Variants in GLIS1 observed in about 807,000 individuals in gnomAD.
GLIS1 encodes the protein GLIS family zinc finger 1, also known as zinc finger protein GLIS1.
GLIS1 carries 24 observed loss-of-function variants against 63.8 expected under a neutral mutation model. The ratio of observed to expected loss-of-function variants is 0.38; its 90% CI spans 0.27 to 0.53. The LOEUF is 0.53. GLIS1 is among the 20% of genes least tolerant of loss of function. The probability of loss-of-function intolerance (pLI) is 0.85; values close to 1 mark genes in which losing one functional copy is unlikely to be tolerated. For missense variants in GLIS1, 1,036 were observed against 1,074.1 expected (o/e 0.96, Z 0.50); for synonymous variants, 450 against 482.5 (o/e 0.93, Z 0.88).
At chr1:53,694,305 AC>A (rs914822106) in intron 2 of GLIS1, among the ~76,000 whole-genome samples, 1 of 152,166 alleles carries the variant, frequency 6.6e-6, no homozygotes, top group Non-Finnish European at 1.5e-5. Context: ...CACACAGCAC[AC>A]CGTAGGTGCT....
chr1:53,563,983 C>A (rs1047580750), intron 4 of GLIS1, among the ~76,000 whole-genome samples: 1 of 152,104 alleles, frequency 6.6e-6, no homozygotes, highest in Non-Finnish European at 1.5e-5. Context: ...AGAAAGAGCA[C>A]CTTACTCAAA....
chr1:53,567,732 C>A (rs1325018800), intron 4 of GLIS1, among the ~76,000 whole-genome samples: 1 of 152,218 alleles, frequency 6.6e-6, no homozygotes, highest in Admixed American at 6.5e-5. Flanking sequence ...CTAAAAGGGG[C>A]CAAGGTACAA....
In GLIS1 at chr1:53,665,350, T is replaced by C. The variant is rs182160181; in HGVS notation, c.260-65072A>G. ...GGGGATGCCAGGGGTTCATTTTGGATGTGTTAAGTTGGAGATCTTTTAGAC... is the reference window on the plus strand; with the variant it reads ...GGGGATGCCAGGGGTTCATTTTGGACGTGTTAAGTTGGAGATCTTTTAGAC... On this transcript the variant is annotated intron_variant, in intron 2 of 10. Coordinates refer to ENST00000628545, the MANE Select transcript of GLIS1 (RefSeq NM_001367484.1). Among the ~76,000 whole-genome samples the C allele has an allele frequency of 8.5e-5, 13 of 152,160 alleles. No individual in the cohort carries two copies. In the East Asian group the frequency reaches 1.7e-3, roughly 20 times the overall value.
chr1:53,671,396 A>G (rs1646148984), intron 2 of GLIS1, among the ~76,000 whole-genome samples: 1 of 152,232 alleles, frequency 6.6e-6, no homozygotes, highest in Non-Finnish European at 1.5e-5. Context: ...CATGTCCACC[A>G]GGCTCGGCTC....
At chr1:53,636,918 C>A (rs553481578) in intron 2 of GLIS1, among the ~76,000 whole-genome samples, 1 of 152,352 alleles carries the variant, frequency 6.6e-6, no homozygotes, top group African/African-American at 2.4e-5. Context: ...TACCTCAGCT[C>A]CTTCTGTTCG....
intron 2 of GLIS1, among the ~76,000 whole-genome samples, chr1:53,616,330 T>G (rs1645482406): frequency 6.6e-6 from 1 of 152,074 alleles, no homozygotes; most frequent in South Asian, 2.1e-4. Flanking sequence ...GCTAAGAAAA[T>G]GTATCAGAGA....
intron 2 of GLIS1, among the ~76,000 whole-genome samples, chr1:53,720,965 T>C (rs1646748154): frequency 6.6e-6 from 1 of 151,704 alleles, no homozygotes; most frequent in Non-Finnish European, 1.5e-5. Context: ...GCCACTGCAC[T>C]CTAGCCTGGG....
chr1:53,568,296 T>C lies in GLIS1; in HGVS notation c.1320+25812A>G, dbSNP rs1334353073. Among the ~76,000 whole-genome samples, 3 of 152,214 alleles carry C rather than the reference T, an allele frequency of 2.0e-5. No individual in the cohort carries two copies. The East Asian group carries it at 5.8e-4, about 29-fold the overall frequency. Reference sequence around the variant, plus strand: ...CCTGTAGCCCCTTTGTTTTGACCAATTTCTCCCTTTTTCAATGGGATAATT... The same window carrying C: ...CCTGTAGCCCCTTTGTTTTGACCAACTTCTCCCTTTTTCAATGGGATAATT... On this transcript the variant is annotated intron_variant, in intron 4 of 10. Coordinates refer to ENST00000628545, the MANE Select transcript of GLIS1 (RefSeq NM_001367484.1).
At chr1:53,616,013 G>C (rs760225503) in intron 2 of GLIS1, among the ~76,000 whole-genome samples, 1 of 152,184 alleles carries the variant, frequency 6.6e-6, no homozygotes, top group Non-Finnish European at 1.5e-5. Context: ...CTGCCAAAGT[G>C]CTGGGATTAC....
intron 2 of GLIS1, among the ~76,000 whole-genome samples, chr1:53,717,022 C>G (rs1005974585): frequency 1.3e-5 from 2 of 152,160 alleles, no homozygotes; most frequent in South Asian, 4.2e-4. Flanking sequence ...GAGTCTAGAC[C>G]AAGTATCAGA....
At chr1:53,607,407 C>A (rs1309325755) in intron 2 of GLIS1, among the ~76,000 whole-genome samples, 3 of 152,222 alleles carry the variant, frequency 2.0e-5, no homozygotes, top group South Asian at 2.1e-4. Context: ...GTAGCCAGGA[C>A]AACAGGTGCT....
In GLIS1 at chr1:53,738,056, G is replaced by C; in HGVS notation, c.9C>G (p.Cys3Trp). Residue 3 changes from cysteine (C) to tryptophan (W), a missense_variant, in exon 2 of 11, where the codon TGC becomes TGG. By Grantham distance (215) the Cys-to-Trp change is radical. Coordinates refer to ENST00000628545, the MANE Select transcript of GLIS1 (RefSeq NM_001367484.1). Reference protein sequence around the residue: MHCEVAEAHSDKR... With the variant: MHWEVAEAHSDKR... ...TGTCCGAGTGTGCCTCAGCCACCTCGCAATGCATGGCGCCGGGGCGGGGCG... is the reference window on the plus strand; with the variant it reads ...TGTCCGAGTGTGCCTCAGCCACCTCCCAATGCATGGCGCCGGGGCGGGGCG... The C allele has an allele frequency of 2.4e-6, 3 of 1,230,488 alleles. No individual in the cohort carries two copies. The highest frequency in any genetic ancestry group is 3.0e-6 in the Non-Finnish European group (3 of 987,126). 76.2% of individuals were successfully genotyped at this position (1,230,488 alleles called of 1,614,324 possible). A position where few individuals can be genotyped will look rare whatever the true frequency, so the allele number is the denominator to read the frequency against.
At chr1:53,514,548 G>T in intron 8 of GLIS1, 77 bp downstream of exon 8, 1 of 1,442,232 alleles carries the variant, frequency 6.9e-7, no homozygotes. Context: ...TAGATAGTGC[G>T]GGACACCTGC....
intron 2 of GLIS1, among the ~76,000 whole-genome samples, chr1:53,621,261 C>G (rs751883580): frequency 7.9e-5 from 12 of 152,228 alleles, no homozygotes; most frequent in Non-Finnish European, 1.5e-4. Context: ...CTGTATCCCC[C>G]CCAAGTCTCC....
At position 53,509,155 on chromosome 1, in the gene GLIS1, C is replaced by A. The variant is rs1644269162; in HGVS notation, c.2195G>T (p.Gly732Val). ...THGFNPLRPN[G>V]YHSLSTPLPA... ...CAAGGGCGTGCTGAGGCTGTGGTAGCCATTGGGCCGCAGGGGGTTGAAACC... is the reference window on the plus strand; with the variant it reads ...CAAGGGCGTGCTGAGGCTGTGGTAGACATTGGGCCGCAGGGGGTTGAAACC... The change falls in exon 10 of 11, where the codon GGC (glycine) becomes GTC (valine). Residue 732 changes from glycine to valine, a missense_variant. Physicochemically the swap from Gly to Val is moderately radical, Grantham distance 109. This residue lies in a region of GLIS1 where 400 missense variants were observed against 400.9 expected (regional missense o/e 1.00). Coordinates refer to ENST00000628545, the MANE Select transcript of GLIS1 (RefSeq NM_001367484.1). The A allele has an allele frequency of 6.3e-7, 1 of 1,596,774 alleles. No homozygotes were observed. The highest frequency in any genetic ancestry group is 8.5e-7 in the Non-Finnish European group (1 of 1,171,654).
At position 53,579,024 on chromosome 1, in the gene GLIS1, C is replaced by T. The variant is rs530846741; in HGVS notation, c.1320+15084G>A. ...GGCACAGAACCTACAGTCCATGATACTTCTAGGAACTCATGAAAATGTTTT... is the reference window on the plus strand; with the variant it reads ...GGCACAGAACCTACAGTCCATGATATTTCTAGGAACTCATGAAAATGTTTT... On this transcript the variant is annotated intron_variant, in intron 4 of 10. Coordinates refer to ENST00000628545, the MANE Select transcript of GLIS1 (RefSeq NM_001367484.1). Among the ~76,000 whole-genome samples the T allele has an allele frequency of 1.8e-4, 27 of 148,462 alleles. No homozygotes were observed. In the South Asian group the frequency reaches 3.4e-3, roughly 19 times the overall value.
intron 2 of GLIS1, among the ~76,000 whole-genome samples, chr1:53,672,820 G>A (rs1328953393): frequency 6.6e-6 from 1 of 152,214 alleles, no homozygotes; most frequent in African/African-American, 2.4e-5. Context: ...ACCCAGCTCA[G>A]GGCTGGGTAT....
chr1:53,648,740 G>A (rs1330466765), intron 2 of GLIS1, among the ~76,000 whole-genome samples: 4 of 152,266 alleles, frequency 2.6e-5, no homozygotes, highest in Admixed American at 2.0e-4. Flanking sequence ...GAGAGAGTAT[G>A]TACTGTAAGA....
intron 2 of GLIS1, among the ~76,000 whole-genome samples, chr1:53,715,109 TCTCA>T (rs1462969129): frequency 6.6e-6 from 1 of 152,052 alleles, no homozygotes; most frequent in Non-Finnish European, 1.5e-5. Flanking sequence ...TAGCAACAGG[TCTCA>T]CTATGTTACC....
Sources: gnomAD v4.1 joint callset for allele counts (sites outside exome capture counted in the v4.1 genomes callset) on GRCh38, gnomAD v4.1.1 for gene constraint, gnomAD v4.1.1 regional missense constraint, MANE v1.5 for transcripts, NCBI Gene and HGNC (gene_info 2026-07-23, HGNC 2026-07-21) for gene names.